Variants in ADAMTSL1 observed in about 807,000 individuals in gnomAD.
The protein encoded by ADAMTSL1 is ADAMTS-like protein 1.
ADAMTSL1 carries 126 observed loss-of-function variants against 201.8 expected under a neutral mutation model. The ratio of observed to expected loss-of-function variants is 0.62; its 90% CI spans 0.54 to 0.72. The LOEUF (loss-of-function observed/expected upper bound fraction) is 0.72. Ranked by LOEUF, ADAMTSL1 falls within the 30% of genes least tolerant of loss-of-function variation. ADAMTSL1 has a pLI of 0.00. For missense variants in ADAMTSL1, 2,679 were observed against 2,277.8 expected (o/e 1.18, Z -3.59); for synonymous variants, 1,121 against 903.4 (o/e 1.24, Z -4.32).
At chr9:18,020,246 C>T (rs1437528990) in intron 1 of ADAMTSL1, among the ~76,000 whole-genome samples, 1 of 152,040 alleles carries the variant, frequency 6.6e-6, no homozygotes, top group African/African-American at 2.4e-5. Context: ...TGGTCCCCAT[C>T]TACTGGCATC....
chr9:18,637,622 A>G (rs1006593128), intron 6 of ADAMTSL1, among the ~76,000 whole-genome samples: 1 of 152,176 alleles, frequency 6.6e-6, no homozygotes, highest in Non-Finnish European at 1.5e-5. Context: ...CAACAAACAT[A>G]CTATTGGTAG....
intron 1 of ADAMTSL1, among the ~76,000 whole-genome samples, chr9:18,070,420 A>C: frequency 6.6e-6 from 1 of 152,192 alleles, no homozygotes; most frequent in East Asian, 1.9e-4. Context: ...ACTCTTATAC[A>C]GTTTTTCAAG....
chr9:17,979,662 T>C (rs1428668377), intron 1 of ADAMTSL1, among the ~76,000 whole-genome samples: 1 of 152,226 alleles, frequency 6.6e-6, no homozygotes, highest in East Asian at 1.9e-4. Flanking sequence ...TGTTCTTTGG[T>C]GGTATTTTGT....
In ADAMTSL1 at chr9:18,802,263, CCT is replaced by C. The variant is rs565836601; in HGVS notation, c.3805+6740_3805+6741del. Among the ~76,000 whole-genome samples, 36 of 152,066 alleles carry C rather than the reference CCT, an allele frequency of 2.4e-4. 1 individual carries two copies. In the East Asian group the frequency reaches 6.0e-3, roughly 25 times the overall value. ...TCCAGCCTGAGTGCCAGAGTAAGAC[CCT>C]GTCTCCAAAAACAAAAAAAACAGGA... On this transcript the variant is annotated intron_variant, in intron 20 of 28. Transcript: ENST00000380548.
chr9:18,661,236 G>A (rs190520162), intron 8 of ADAMTSL1, among the ~76,000 whole-genome samples: 23 of 152,266 alleles, frequency 1.5e-4, no homozygotes, highest in African/African-American at 3.8e-4. Context: ...ATTTGTGGGT[G>A]GAGGCTAAGA....
intron 2 of ADAMTSL1, among the ~76,000 whole-genome samples, chr9:18,422,094 C>T (rs78844819): frequency 0.03 from 4,522 of 152,182 alleles, 213 homozygotes; most frequent in African/African-American, 0.096. Flanking sequence ...CTCATCTCTG[C>T]TTCATTTCTC....
intron 15 of ADAMTSL1, among the ~76,000 whole-genome samples, chr9:18,752,292 T>C (rs1030463753): frequency 1.3e-5 from 2 of 152,134 alleles, no homozygotes; most frequent in African/African-American, 4.8e-5. Flanking sequence ...GTGCATACAC[T>C]TAATATTACA....
At chr9:18,677,873 T>C (rs1014439829) in intron 10 of ADAMTSL1, among the ~76,000 whole-genome samples, 2 of 151,958 alleles carry the variant, frequency 1.3e-5, no homozygotes, top group Non-Finnish European at 2.9e-5. Flanking sequence ...TTCAGCTTTA[T>C]TGGCAAAGTC....
intron 1 of ADAMTSL1, among the ~76,000 whole-genome samples, chr9:17,935,296 A>G (rs1826959445): frequency 6.6e-6 from 1 of 151,896 alleles, no homozygotes; most frequent in African/African-American, 2.4e-5. Context: ...TCTGTCTCCC[A>G]TGTTCCCCCG....
At chr9:18,169,185 T>C (rs940277550) in intron 2 of ADAMTSL1, among the ~76,000 whole-genome samples, 23 of 151,642 alleles carry the variant, frequency 1.5e-4, no homozygotes, top group Non-Finnish European at 2.4e-4. Context: ...GTGTTTTAGG[T>C]ATGAAGTCCT....
chr9:18,198,026 G>A (rs377541318), intron 2 of ADAMTSL1, among the ~76,000 whole-genome samples: 8 of 152,148 alleles, frequency 5.3e-5, no homozygotes, highest in African/African-American at 1.4e-4. Context: ...CCTATTTAAT[G>A]AATGGTGCTG....
At chr9:17,918,769 G>A (rs549479602) in intron 1 of ADAMTSL1, among the ~76,000 whole-genome samples, 2 of 151,688 alleles carry the variant, frequency 1.3e-5, no homozygotes, top group South Asian at 4.2e-4. Context: ...ATTGAGAAAG[G>A]GATATTGACA....
intron 1 of ADAMTSL1, among the ~76,000 whole-genome samples, chr9:18,009,050 C>G (rs1024398592): frequency 1.3e-5 from 2 of 151,990 alleles, no homozygotes; most frequent in Non-Finnish European, 2.9e-5. Context: ...CCCTGCAGAT[C>G]TGCACTCTAG....
intron 2 of ADAMTSL1, among the ~76,000 whole-genome samples, chr9:18,292,561 G>T (rs1169204622): frequency 6.6e-6 from 1 of 152,100 alleles, no homozygotes; most frequent in East Asian, 1.9e-4. Flanking sequence ...GCCTGGGTGG[G>T]CACCATCTAA....
chr9:18,239,608 C>T (rs772088642), intron 2 of ADAMTSL1, among the ~76,000 whole-genome samples: 1 of 151,932 alleles, frequency 6.6e-6, no homozygotes, highest in Admixed American at 6.6e-5. Context: ...ATTAGCTGGG[C>T]GTGGTGGTGC....
intron 1 of ADAMTSL1, among the ~76,000 whole-genome samples, chr9:18,111,250 T>C (rs1310152927): frequency 6.6e-6 from 1 of 152,212 alleles, no homozygotes; most frequent in Non-Finnish European, 1.5e-5. Context: ...CAAGATTTTA[T>C]ACTGGGGCTG....
At chr9:18,180,698 T>C (rs1180519518) in intron 2 of ADAMTSL1, among the ~76,000 whole-genome samples, 2 of 152,136 alleles carry the variant, frequency 1.3e-5, no homozygotes, top group Admixed American at 6.5e-5. Flanking sequence ...ATCATGAAAA[T>C]GGCCATACTG....
Position 18,544,926 on chromosome 9 carries a change from T to A in ADAMTSL1, c.237+11634T>A, listed in dbSNP as rs369862410. Reference sequence around the variant, plus strand: ...ATGAAGAGAATTAAGAATGAGACCATCATTTCCACAGGGTTGAAAATTATT... The same window carrying A: ...ATGAAGAGAATTAAGAATGAGACCAACATTTCCACAGGGTTGAAAATTATT... On this transcript the variant is annotated intron_variant, in intron 3 of 28. Coordinates refer to ENST00000380548, the MANE Select transcript of ADAMTSL1 (RefSeq NM_001040272.6). 3.3e-4 allele frequency among the ~76,000 whole-genome samples: 50 copies of A among 152,290 alleles called. 1 individual carries two copies. In the East Asian group the frequency reaches 7.7e-3, roughly 24 times the overall value.
At chr9:18,301,370 C>T (rs10963562) in intron 2 of ADAMTSL1, among the ~76,000 whole-genome samples, 5 of 152,138 alleles carry the variant, frequency 3.3e-5, no homozygotes, top group South Asian at 2.1e-4. Context: ...CAGGAGATTG[C>T]GGTACAGTAG....
Sources: allele counts gnomAD v4.1 joint callset (sites outside exome capture counted in the v4.1 genomes callset), GRCh38; gene constraint gnomAD v4.1.1; transcripts MANE v1.5; gene names NCBI Gene and HGNC (gene_info 2026-07-23, HGNC 2026-07-21).